Variants in YPEL3 observed in about 807,000 individuals in gnomAD.
The protein encoded by YPEL3 is yippee like 3.
Under a neutral mutation model 17.5 loss-of-function variants are expected in YPEL3, and 5 were observed. The ratio of observed to expected loss-of-function variants is 0.29; its 90% CI spans 0.15 to 0.60. The LOEUF (loss-of-function observed/expected upper bound fraction) is 0.60. Among genes scored for constraint, YPEL3 ranks in the 20% least tolerant of loss-of-function variants. The pLI is 0.87. For synonymous variants in YPEL3, 87 were observed against 87.2 expected (o/e 1.00, Z 0.01); for missense variants, 155 against 211.4 (o/e 0.73, Z 1.65).
Position 30,095,381 on chromosome 16 carries a change from G to A in YPEL3, c.102C>T (p.Pro34=), listed in dbSNP as rs1438571666. 2.5e-6 allele frequency: 4 copies of A among 1,613,772 alleles called. No homozygotes were observed. The highest frequency in any genetic ancestry group is 4.5e-5 in the East Asian group (2 of 44,884). The part of the protein sequence containing the change: ...PWAAPRVGPL[P]PAPAMVRISK... ...AAATCCGCACCATGGCGGGGGCCGG[G>A]GGCAGTGGCCCCACGCGGGGAGCGG... Residue 34 remains proline (P), a synonymous_variant, in exon 1 of 4, where the codon CCC becomes CCT. Transcript: ENST00000398841. The surrounding 1 kb of genome is among the most constrained non-coding windows in gnomAD (Gnocchi z 5.4).
At chr16:30,092,855 TGGG>T in intron 3 of YPEL3, 56 bp from the exon 4 acceptor site, 1 of 1,530,744 alleles carries the variant, frequency 6.5e-7, no homozygotes, top group Non-Finnish European at 9.0e-7. Context: ...CACAAGGCAC[TGGG>T]GTTGGGAAGT....
At chr16:30,092,907 G>A in intron 3 of YPEL3, 108 bp from the exon 4 acceptor site, 2 of 880,716 alleles carry the variant, frequency 2.3e-6, no homozygotes, top group Non-Finnish European at 3.7e-6. Flanking sequence ...AGGAAACTGT[G>A]GCCCAGAGGG....
rs908427204 is a variant in YPEL3 at position 30,095,716 on chromosome 16, T to C, written c.-234A>G. 35 of 505,134 alleles carry C rather than the reference T, an allele frequency of 6.9e-5. No individual in the cohort carries two copies. The highest frequency in any genetic ancestry group is 4.6e-4 in the Admixed American group (13 of 28,410). 31.3% of individuals were successfully genotyped at this position (505,134 alleles called of 1,614,324 possible). A position where few individuals can be genotyped will look rare whatever the true frequency, so the allele number is the denominator to read the frequency against. On this transcript the variant is annotated 5_prime_UTR_variant, in exon 1 of 4. Transcript: ENST00000398841. The surrounding 1 kb of genome is among the most constrained non-coding windows in gnomAD (Gnocchi z 5.4). ...GCAGCTGAAGCTGGAGGAAGGGGCT[T>C]TGGAGGGGCTGGGCTGTCAGTTCCC...
In YPEL3 at chr16:30,095,643, C is replaced by T; in HGVS notation, c.-161G>A. ...ATGGGGAAACTGAGGCTCGGAGGTG[C>T]CCAGGGTGAGTCACCCGCCTGCTTC... On this transcript the variant is annotated 5_prime_UTR_variant, in exon 1 of 4. Transcript: ENST00000398841. The surrounding 1 kb of genome is among the most constrained non-coding windows in gnomAD (Gnocchi z 5.4). The T allele has an allele frequency of 1.6e-6, 1 of 620,026 alleles. No homozygotes were observed. The highest frequency in any genetic ancestry group is 2.7e-6 in the Non-Finnish European group (1 of 376,490). The allele number at this position is 620,026 out of a possible 1,614,324, so 38.4% of individuals were successfully genotyped here.
chr16:30,094,592 T>G (rs552700567), intron 3 of YPEL3, 197 bp downstream of exon 3: 1 of 617,792 alleles, frequency 1.6e-6, no homozygotes, highest in South Asian at 1.8e-5. Context: ...TCCAAGTGCC[T>G]GGGAGAGAAG....
At position 30,095,442 on chromosome 16, in the gene YPEL3, G is replaced by C; in HGVS notation, c.41C>G (p.Pro14Arg). The stretch of plus-strand genomic sequence containing the variant: ...GCAGAGGGAGCCCAGTGCCTGCCGG[G>C]GAGGGAGTAGGTGGGCTGTCAGGAC... ...AQVLTAHLLP[P>R]RQALGSLCSP... The change falls in exon 1 of 4, where the codon CCC becomes CGC. Residue 14 changes from proline (P) to arginine (R), a missense_variant. By Grantham distance (103) the Pro-to-Arg change is moderately radical (BLOSUM62 -2). This residue lies in a region of YPEL3 where 58 missense variants were observed against 60.0 expected (regional missense o/e 0.97). Transcript: ENST00000398841. This position sits in a 1 kb window ranked among gnomAD's most constrained non-coding sequence, Gnocchi z 5.4. 1 of 1,587,600 alleles carries C rather than the reference G, an allele frequency of 6.3e-7. No homozygotes were observed. Among genetic ancestry groups the C allele is most frequent in the Non-Finnish European group, 8.6e-7 (1 of 1,167,116 alleles).
At chr16:30,092,892 A>G (rs1011779783) in intron 3 of YPEL3, 93 bp from the exon 4 acceptor site, 11 of 1,078,906 alleles carry the variant, frequency 1.0e-5, no homozygotes, top group African/African-American at 3.1e-5. Flanking sequence ...CCCATTTTAC[A>G]TATGAGGAAA....
intron 3 of YPEL3, among the ~76,000 whole-genome samples, 163 bp from the exon 4 acceptor site, chr16:30,092,962 T>A (rs1330260514): frequency 6.6e-6 from 1 of 152,200 alleles, no homozygotes; most frequent in Non-Finnish European, 1.5e-5. Context: ...TAGAACTCCC[T>A]GACTCAAAGG....
chr16:30,095,279 C>G lies in YPEL3; in HGVS notation c.204G>C (p.Leu68=). 3 of 1,614,144 alleles carry G rather than the reference C, an allele frequency of 1.9e-6. No homozygotes were observed. In the South Asian group the frequency reaches 3.3e-5, roughly 18 times the overall value. ...TGGAGATGAGGTCGTCGTGGTTGGC[C>G]AGGTGAGCGCGGCAGTGGGCACAGC... The part of the protein sequence containing the change: ...RYSCAHCRAH[L]ANHDDLISKS... The change falls in exon 1 of 4, where the codon CTG becomes CTC. Residue 68 remains leucine, a synonymous_variant. Coordinates refer to ENST00000398841, the MANE Select transcript of YPEL3 (RefSeq NM_031477.5). This position sits in a 1 kb window ranked among gnomAD's most constrained non-coding sequence, Gnocchi z 5.4.
rs1045577140 is a variant in YPEL3 at position 30,095,510 on chromosome 16, TCG to T, written c.-30_-29del. On this transcript the variant is annotated 5_prime_UTR_variant, in exon 1 of 4. Transcript: ENST00000398841. This position sits in a 1 kb window ranked among gnomAD's most constrained non-coding sequence, Gnocchi z 5.4. Reference sequence around the variant, plus strand: ...GAGGCACTCCCAGAGCCGTGGGGACTCGCTCTGTCACACTGGGCTGCTCTCTC... The same window carrying T: ...GAGGCACTCCCAGAGCCGTGGGGACTCTCTGTCACACTGGGCTGCTCTCTC... The T allele has an allele frequency of 1.4e-6, 2 of 1,459,452 alleles. No homozygotes were observed. Among genetic ancestry groups the T allele is most frequent in the African/African-American group, 2.8e-5 (2 of 70,188 alleles). 90.4% of individuals were successfully genotyped at this position (1,459,452 alleles called of 1,614,324 possible). A position where few individuals can be genotyped will look rare whatever the true frequency, so the allele number is the denominator to read the frequency against.
rs1055591586 is a variant in YPEL3 at position 30,095,408 on chromosome 16, C to T, written c.75G>A (p.Trp25Ter). Residue 25 changes from tryptophan (W) to a stop codon, truncating the protein, a stop_gained, in exon 1 of 4, where the codon TGG becomes TGA. Coordinates refer to ENST00000398841, the MANE Select transcript of YPEL3 (RefSeq NM_031477.5). LOFTEE classifies it high-confidence loss of function. The surrounding 1 kb of genome is among the most constrained non-coding windows in gnomAD (Gnocchi z 5.4). ...RQALGSLCSP[W>*]AAPRVGPLPP... ...GCAGTGGCCCCACGCGGGGAGCGGC[C>T]CACGGGGAGCAGAGGGAGCCCAGTG... 3.7e-6 allele frequency: 6 copies of T among 1,610,294 alleles called. No individual in the cohort carries two copies. The highest frequency in any genetic ancestry group is 1.1e-5 in the South Asian group (1 of 90,646).
At chr16:30,093,472 G>A (rs986186225) in intron 3 of YPEL3, among the ~76,000 whole-genome samples, 1 of 151,988 alleles carries the variant, frequency 6.6e-6, no homozygotes, top group African/African-American at 2.4e-5. Context: ...TGTTAGTCAG[G>A]CTGTTCTCGA....
At chr16:30,093,546 G>A (rs2072760810) in intron 3 of YPEL3, among the ~76,000 whole-genome samples, 1 of 152,048 alleles carries the variant, frequency 6.6e-6, no homozygotes, top group South Asian at 2.1e-4. Context: ...ACAGGCGTGA[G>A]CCACCACACC....
chr16:30,094,523 AG>A (rs929041422), intron 3 of YPEL3: 3 of 498,136 alleles, frequency 6.0e-6, no homozygotes, highest in Non-Finnish European at 1.1e-5. Flanking sequence ...CAACAGTGCA[AG>A]GCACATAAAC....
At chr16:30,094,175 CAG>C in intron 3 of YPEL3, 1 of 159,660 alleles carries the variant, frequency 6.3e-6, no homozygotes, top group Non-Finnish European at 1.4e-5. Flanking sequence ...AAATGAGACT[CAG>C]GGTAGTGAAA....
At chr16:30,094,549 G>A in intron 3 of YPEL3, 1 of 551,138 alleles carries the variant, frequency 1.8e-6, no homozygotes, top group Non-Finnish European at 3.3e-6. Flanking sequence ...CATAAATGGT[G>A]ACTCTGATTA....
chr16:30,095,711 G>C lies in YPEL3; in HGVS notation c.-229C>G, dbSNP rs2072785745. 1 of 511,976 alleles carries C rather than the reference G, an allele frequency of 2.0e-6. No individual in the cohort carries two copies. The highest frequency in any genetic ancestry group is 3.4e-6 in the Non-Finnish European group (1 of 290,154). The allele number at this position is 511,976 out of a possible 1,614,324, so 31.7% of individuals were successfully genotyped here. A position where few individuals can be genotyped will look rare whatever the true frequency, so the allele number is the denominator to read the frequency against. On this transcript the variant is annotated 5_prime_UTR_variant, in exon 1 of 4. Transcript: ENST00000398841. This position sits in a 1 kb window ranked among gnomAD's most constrained non-coding sequence, Gnocchi z 5.4. ...ACCTGGCAGCTGAAGCTGGAGGAAG[G>C]GGCTTTGGAGGGGCTGGGCTGTCAG...
At chr16:30,093,120 A>C (rs2072753090) in intron 3 of YPEL3, among the ~76,000 whole-genome samples, 1 of 152,244 alleles carries the variant, frequency 6.6e-6, no homozygotes, top group Admixed American at 6.5e-5. Context: ...AGTTTAATAA[A>C]AATAACTTTA....
chr16:30,094,472 AT>A (rs910106748), intron 3 of YPEL3: 2 of 357,096 alleles, frequency 5.6e-6, no homozygotes, highest in Non-Finnish European at 1.1e-5. Context: ...TACCTAGAGG[AT>A]CACTGCAATG....
Sources: allele counts gnomAD v4.1 joint callset (sites outside exome capture counted in the v4.1 genomes callset), GRCh38; gene constraint gnomAD v4.1.1; regional missense constraint gnomAD v4.1.1; non-coding constraint Gnocchi (gnomAD v3.1); transcripts MANE v1.5; gene names NCBI Gene and HGNC (gene_info 2026-07-23, HGNC 2026-07-21).